Variants in OXSR1 observed in about 807,000 individuals in gnomAD.
The protein encoded by OXSR1 is serine/threonine-protein kinase OSR1.
In OXSR1, 24 loss-of-function variants were observed where a neutral mutation model predicts 79.8. The ratio of observed to expected loss-of-function variants is 0.30; its 90% CI spans 0.22 to 0.42. The LOEUF is 0.42. Ranked by LOEUF, OXSR1 falls within the 10% of genes least tolerant of loss-of-function variation. The pLI, the probability that OXSR1 is intolerant of heterozygous loss-of-function variation, is 1.00. For missense variants in OXSR1, 430 were observed against 618.4 expected (o/e 0.70, Z 3.23); for synonymous variants, 226 against 209.2 (o/e 1.08, Z -0.69).
At chr3:38,184,886 A>G (rs998860795) in intron 2 of OXSR1, among the ~76,000 whole-genome samples, 5 of 89,024 alleles carry the variant, frequency 5.6e-5, no homozygotes, top group Non-Finnish European at 1.2e-4. Flanking sequence ...CTTAGTTCAA[A>G]AGTAGAAAGA....
chr3:38,228,730 C>G (rs1702745183), intron 8 of OXSR1, among the ~76,000 whole-genome samples: 1 of 152,168 alleles, frequency 6.6e-6, no homozygotes, highest in Non-Finnish European at 1.5e-5. Flanking sequence ...GCCACCATGC[C>G]CTGCTAATTT....
At chr3:38,208,804 A>G (rs1482815930) in intron 4 of OXSR1, among the ~76,000 whole-genome samples, 1 of 152,226 alleles carries the variant, frequency 6.6e-6, no homozygotes, top group Non-Finnish European at 1.5e-5. Flanking sequence ...TGGGAGGCTA[A>G]GGCAGGAGAA....
chr3:38,167,619 T>C (rs1174248211), intron 1 of OXSR1, among the ~76,000 whole-genome samples: 1 of 152,232 alleles, frequency 6.6e-6, no homozygotes, highest in Admixed American at 6.5e-5. Flanking sequence ...TATTGGTTCG[T>C]ATAGGAAAAA....
At chr3:38,216,640 G>C (rs547342305) in intron 5 of OXSR1, among the ~76,000 whole-genome samples, 116 of 152,212 alleles carry the variant, frequency 7.6e-4, no homozygotes, top group African/African-American at 2.2e-3. Flanking sequence ...CCTACCAAAA[G>C]TGGCTATCCT....
intron 2 of OXSR1, among the ~76,000 whole-genome samples, chr3:38,185,367 T>G (rs561782216): frequency 6.6e-6 from 1 of 152,072 alleles, no homozygotes; most frequent in African/African-American, 2.4e-5. Context: ...GGTGGATCAC[T>G]TGAGCCAAGG....
At chr3:38,225,567 ATTT>A (rs970798866) in intron 8 of OXSR1, among the ~76,000 whole-genome samples, 39 of 149,318 alleles carry the variant, frequency 2.6e-4, no homozygotes, top group South Asian at 8.4e-4. Context: ...TGTTTTTATA[ATTT>A]TTTTTTTTCT....
At chr3:38,243,667 T>A (rs1311491821) in intron 12 of OXSR1, among the ~76,000 whole-genome samples, 2 of 152,258 alleles carry the variant, frequency 1.3e-5, no homozygotes, top group Non-Finnish European at 2.9e-5. Context: ...AAAGTAACCT[T>A]TGTTTTTTCA....
intron 11 of OXSR1, among the ~76,000 whole-genome samples, chr3:38,241,596 AG>A (rs1244113628): frequency 1.3e-5 from 2 of 152,134 alleles, no homozygotes; most frequent in African/African-American, 4.8e-5. Flanking sequence ...CAAATGGTGT[AG>A]GAAAAATATA....
At chr3:38,179,888 A>T (rs1701749413) in intron 1 of OXSR1, among the ~76,000 whole-genome samples, 1 of 151,920 alleles carries the variant, frequency 6.6e-6, no homozygotes, top group Non-Finnish European at 1.5e-5. Context: ...AGCTCACTGT[A>T]ACCTCCACCT....
chr3:38,254,640 G>A lies in OXSR1; in HGVS notation c.*1749G>A, dbSNP rs1703324886. On this transcript the variant is annotated 3_prime_UTR_variant, in exon 18 of 18. Coordinates refer to ENST00000311806, the MANE Select transcript of OXSR1 (RefSeq NM_005109.3). ...GGACGGAGAGGAACAAGGATGGGGA[G>A]GTAGGAATGAGGTATAGAAAAGAGA... 5.8e-6 allele frequency: 1 copy of A among 172,920 alleles called. No individual in the cohort carries two copies. Among genetic ancestry groups the A allele is most frequent in the African/African-American group, 2.4e-5 (1 of 42,336 alleles). 10.7% of individuals were successfully genotyped at this position (172,920 alleles called of 1,614,324 possible). A position where few individuals can be genotyped will look rare whatever the true frequency, so the allele number is the denominator to read the frequency against.
At chr3:38,241,556 T>C (rs1202651199) in intron 11 of OXSR1, among the ~76,000 whole-genome samples, 2 of 151,934 alleles carry the variant, frequency 1.3e-5, no homozygotes, top group Admixed American at 1.3e-4. Flanking sequence ...TATTAAGTGG[T>C]AAACAGCCAT....
chr3:38,215,136 G>A (rs1412895549), intron 4 of OXSR1, among the ~76,000 whole-genome samples: 1 of 152,132 alleles, frequency 6.6e-6, no homozygotes, highest in African/African-American at 2.4e-5. Context: ...GTGTGTTTGT[G>A]CAACATTAAT....
chr3:38,210,374 A>AT (rs1702361378), intron 4 of OXSR1, among the ~76,000 whole-genome samples: 1 of 152,144 alleles, frequency 6.6e-6, no homozygotes, highest in Admixed American at 6.5e-5. Context: ...TTAAGCTCTG[A>AT]TAAAATAGTT....
At chr3:38,249,718 C>CT (rs1359070860) in intron 14 of OXSR1, among the ~76,000 whole-genome samples, 2 of 152,058 alleles carry the variant, frequency 1.3e-5, no homozygotes, top group African/African-American at 4.8e-5. Flanking sequence ...TAAGAATCTA[C>CT]TCAAAGGCAT....
In OXSR1 at chr3:38,252,995, C is replaced by G. The variant is rs1251933777; in HGVS notation, c.*104C>G. 2.4e-6 allele frequency: 2 copies of G among 848,208 alleles called. No individual in the cohort carries two copies. The highest frequency in any genetic ancestry group is 5.0e-5 in the East Asian group (2 of 39,888). The allele number at this position is 848,208 out of a possible 1,614,324, so 52.5% of individuals were successfully genotyped here. A position where few individuals can be genotyped will look rare whatever the true frequency, so the allele number is the denominator to read the frequency against. ...ACTGCCAAAGAACCCAGCAACAAAC[C>G]TCCCGGCTAGGAGCTTTAGAAGTCT... On this transcript the variant is annotated 3_prime_UTR_variant, in exon 18 of 18. Coordinates refer to ENST00000311806, the MANE Select transcript of OXSR1 (RefSeq NM_005109.3).
At chr3:38,216,938 G>T (rs998127335) in intron 5 of OXSR1, among the ~76,000 whole-genome samples, 1 of 152,150 alleles carries the variant, frequency 6.6e-6, no homozygotes, top group Non-Finnish European at 1.5e-5. Flanking sequence ...TTTAAAATGA[G>T]CAACTTCTAC....
intron 17 of OXSR1, 85 bp from the exon 18 acceptor site, chr3:38,252,732 T>G: frequency 9.3e-7 from 1 of 1,075,146 alleles, no homozygotes; most frequent in South Asian, 1.3e-5. Flanking sequence ...ACTGCCTACC[T>G]TCCCACTATC....
intron 4 of OXSR1, among the ~76,000 whole-genome samples, chr3:38,204,916 A>T (rs979266738): frequency 6.6e-6 from 1 of 152,082 alleles, no homozygotes; most frequent in Non-Finnish European, 1.5e-5. Flanking sequence ...TGTAGCCTTG[A>T]CTGCCTTGCA....
intron 11 of OXSR1, 26 bp downstream of exon 11, chr3:38,236,987 T>C: frequency 2.5e-6 from 4 of 1,591,524 alleles, no homozygotes; most frequent in Non-Finnish European, 3.4e-6. Context: ...CTGTGTACTT[T>C]AGCTAGAACT....
Sources: gnomAD v4.1 joint callset for allele counts (sites outside exome capture counted in the v4.1 genomes callset) on GRCh38, gnomAD v4.1.1 for gene constraint, MANE v1.5 for transcripts, NCBI Gene and HGNC (gene_info 2026-07-23, HGNC 2026-07-21) for gene names.